The following C14orf132 variants were observed in gnomAD, a reference collection of about 807,000 sequenced individuals.
The protein encoded by C14orf132 is uncharacterized protein C14orf132.
Under a neutral mutation model 5.8 loss-of-function variants are expected in C14orf132, and 6 were observed. The ratio of observed to expected loss-of-function variants is 1.03; its 90% CI spans 0.57 to 2.04. C14orf132 has a LOEUF of 2.04. Among genes scored for constraint, C14orf132 ranks in the 30% most tolerant of loss-of-function variants. The probability of loss-of-function intolerance (pLI) is 0.00; values close to 1 mark genes in which losing one functional copy is unlikely to be tolerated. For missense variants in C14orf132, 125 were observed against 115.8 expected (o/e 1.08, Z -0.37); for synonymous variants, 51 against 49.8 (o/e 1.02, Z -0.10).
rs1057486167 is a variant in C14orf132, at chr14:96,054,451, G to A, written c.27+14924G>A. ...GGGGAGGCAGGAGGCTTGAGTTCCCGGCCTGCCTCCACCACTCATGATTTG... is the reference window on the plus strand; with the variant it reads ...GGGGAGGCAGGAGGCTTGAGTTCCCAGCCTGCCTCCACCACTCATGATTTG... On this transcript the variant is annotated intron_variant, in intron 1 of 1. Transcript: ENST00000555004. Among the ~76,000 whole-genome samples the A allele has an allele frequency of 2.0e-5, 3 of 152,234 alleles. No homozygotes were observed. The East Asian group carries it at 5.8e-4, about 29-fold the overall frequency.
intron 1 of C14orf132, among the ~76,000 whole-genome samples, chr14:96,070,813 G>GCTACT (rs2139669569): frequency 6.6e-6 from 1 of 152,260 alleles, no homozygotes; most frequent in African/African-American, 2.4e-5. Context: ...GTAGCTGCAT[G>GCTACT]CCCTGTGTCC....
chr14:96,051,236 G>A (rs1183902397), intron 1 of C14orf132: 1 of 398,688 alleles, frequency 2.5e-6, no homozygotes, highest in African/African-American at 2.1e-5. Context: ...TCCTGTGACA[G>A]GATGTTCCAT....
chr14:96,054,011 G>T (rs1171896460), intron 1 of C14orf132, among the ~76,000 whole-genome samples: 1 of 151,872 alleles, frequency 6.6e-6, no homozygotes, highest in Non-Finnish European at 1.5e-5. Flanking sequence ...CCTGGCTGGT[G>T]GAAGGCCTTA....
At chr14:96,070,731 A>G (rs765177028) in intron 1 of C14orf132, among the ~76,000 whole-genome samples, 35 of 152,234 alleles carry the variant, frequency 2.3e-4, no homozygotes, top group Middle Eastern at 3.4e-3. Flanking sequence ...CTTTTGTTAA[A>G]GGCACGGATA....
chr14:96,049,640 GTA>G lies in C14orf132; in HGVS notation c.27+10126_27+10127del, dbSNP rs1215535804. 1.6e-3 allele frequency among the ~76,000 whole-genome samples: 72 copies of G among 44,562 alleles called. 6 individuals are homozygous for G. The highest frequency in any genetic ancestry group is 0.015 in the Middle Eastern group (1 of 66). The allele number at this position is 44,562 out of a possible 152,430, so 29.2% of individuals were successfully genotyped here. A position where few individuals can be genotyped will look rare whatever the true frequency, so the allele number is the denominator to read the frequency against. On this transcript the variant is annotated intron_variant, in intron 1 of 1. Coordinates refer to ENST00000555004, the MANE Select transcript of C14orf132 (RefSeq NM_001252507.3). ...TATACGTATATATATACATATATAC[GTA>G]TATATATATATAGAGAGAGAGAGAG... is the stretch of plus-strand genomic sequence containing the variant.
chr14:96,079,099 C>G (rs755850199), intron 1 of C14orf132, among the ~76,000 whole-genome samples: 7 of 152,212 alleles, frequency 4.6e-5, no homozygotes, highest in Non-Finnish European at 7.3e-5. Flanking sequence ...CACCTTGAGA[C>G]AGCAGGTCCA....
At position 96,090,634 on chromosome 14, in the gene C14orf132, T is replaced by C; in HGVS notation, c.*3899T>C. Reference sequence around the variant, plus strand: ...TCAAGAGGCAAATAAGACTCCCTGCTCCACTCTACCCCCCAGAGAGAAATG... The same window carrying C: ...TCAAGAGGCAAATAAGACTCCCTGCCCCACTCTACCCCCCAGAGAGAAATG... On this transcript the variant is annotated 3_prime_UTR_variant, in exon 2 of 2. Transcript: ENST00000555004. 2.2e-6 allele frequency: 1 copy of C among 455,992 alleles called. No homozygotes were observed. The allele number at this position is 455,992 out of a possible 1,614,324, so 28.2% of individuals were successfully genotyped here. A position where few individuals can be genotyped will look rare whatever the true frequency, so the allele number is the denominator to read the frequency against.
chr14:96,067,474 C>T (rs952354931), intron 1 of C14orf132, among the ~76,000 whole-genome samples: 20 of 151,706 alleles, frequency 1.3e-4, no homozygotes, highest in Admixed American at 1.1e-3. Context: ...CCAAGGGGAG[C>T]AGATCACCTC....
chr14:96,064,363 TACACACAC>T (rs148402921), intron 1 of C14orf132, among the ~76,000 whole-genome samples: 3 of 135,858 alleles, frequency 2.2e-5, no homozygotes, highest in East Asian at 2.1e-4. Flanking sequence ...GGTGCATATA[TACACACAC>T]ACACACACAC....
At chr14:96,045,399 G>A (rs923227895) in intron 1 of C14orf132, among the ~76,000 whole-genome samples, 1 of 152,210 alleles carries the variant, frequency 6.6e-6, no homozygotes, top group East Asian at 1.9e-4. Context: ...AGTATCTCCT[G>A]TTGGGAGTGT....
At chr14:96,059,349 G>A (rs1297568029) in intron 1 of C14orf132, among the ~76,000 whole-genome samples, 4 of 152,190 alleles carry the variant, frequency 2.6e-5, no homozygotes, top group African/African-American at 9.7e-5. Context: ...GTGGTAATTT[G>A]TGCAAACAGC....
At chr14:96,044,903 G>A (rs1367032035) in intron 1 of C14orf132, among the ~76,000 whole-genome samples, 1 of 152,168 alleles carries the variant, frequency 6.6e-6, no homozygotes, top group African/African-American at 2.4e-5. Context: ...TTCTAAATAA[G>A]GACATATTCA....
intron 1 of C14orf132, among the ~76,000 whole-genome samples, chr14:96,041,308 G>A (rs1357954902): frequency 6.6e-6 from 1 of 152,218 alleles, no homozygotes; most frequent in East Asian, 1.9e-4. Context: ...CATGACGGAG[G>A]CCCCATTTTA....
At chr14:96,077,604 C>T (rs949944396) in intron 1 of C14orf132, among the ~76,000 whole-genome samples, 5 of 152,166 alleles carry the variant, frequency 3.3e-5, no homozygotes, top group African/African-American at 1.2e-4. Context: ...TGATCTTGGA[C>T]GTCCACCCTC....
At chr14:96,067,291 T>C (rs1414084979) in intron 1 of C14orf132, among the ~76,000 whole-genome samples, 1 of 152,108 alleles carries the variant, frequency 6.6e-6, no homozygotes, top group Non-Finnish European at 1.5e-5. Context: ...AAAGCCAGTG[T>C]GGCCACTGCA....
intron 1 of C14orf132, among the ~76,000 whole-genome samples, chr14:96,067,256 G>A (rs989049478): frequency 6.6e-6 from 1 of 152,158 alleles, no homozygotes; most frequent in Non-Finnish European, 1.5e-5. Context: ...AGCACACCTG[G>A]CACATCAGTT....
At chr14:96,067,019 C>G (rs1192492996) in intron 1 of C14orf132, among the ~76,000 whole-genome samples, 1 of 152,162 alleles carries the variant, frequency 6.6e-6, no homozygotes, top group African/African-American at 2.4e-5. Flanking sequence ...AGCTCCAAAC[C>G]TCTATCTCAT....
rs866790187 is a variant in C14orf132, at chr14:96,093,731, G to T, written c.*6996G>T. On this transcript the variant is annotated 3_prime_UTR_variant, in exon 2 of 2. Transcript: ENST00000555004. ...CGATCACTGACTTCTCTACAGTGAA[G>T]ACTCTTTCTTAATAAAGGATTTCGC... is the stretch of plus-strand genomic sequence containing the variant. 1 of 152,216 alleles carries T rather than the reference G, an allele frequency of 6.6e-6. No individual in the cohort carries two copies. The allele number at this position is 152,216 out of a possible 1,614,324, so 9.4% of individuals were successfully genotyped here.
chr14:96,077,168 T>C (rs907507676), intron 1 of C14orf132, among the ~76,000 whole-genome samples: 5 of 152,246 alleles, frequency 3.3e-5, no homozygotes, highest in Non-Finnish European at 7.3e-5. Context: ...TGTTGGTTGA[T>C]GGTGACATTC....
Sources: allele counts gnomAD v4.1 joint callset (sites outside exome capture counted in the v4.1 genomes callset), GRCh38; gene constraint gnomAD v4.1.1; transcripts MANE v1.5; gene names NCBI Gene and HGNC (gene_info 2026-07-23, HGNC 2026-07-21).